Variants in NEDD4L observed in about 807,000 individuals in gnomAD.
NEDD4L encodes the protein E3 ubiquitin-protein ligase NEDD4-like.
NEDD4L carries 54 observed loss-of-function variants against 148.9 expected under a neutral mutation model. That is an observed-to-expected ratio of 0.36 (90% CI 0.29 to 0.45). The LOEUF (loss-of-function observed/expected upper bound fraction) is 0.45, where lower values mean the gene tolerates loss of function less well. Ranked by LOEUF, NEDD4L falls within the 20% of genes least tolerant of loss-of-function variation. The probability of loss-of-function intolerance (pLI) is 1.00; values close to 1 mark genes in which losing one functional copy is unlikely to be tolerated. For missense variants in NEDD4L, 856 were observed against 1,233.8 expected, an observed-to-expected ratio of 0.69 and a Z score of 4.59; for synonymous variants, 433 against 440.7, an observed-to-expected ratio of 0.98 and a Z score of 0.22.
chr18:58,340,032 C>CCTT (rs2042229973), intron 13 of NEDD4L, among the ~76,000 whole-genome samples: 1 of 152,204 alleles, frequency 6.6e-6, no homozygotes, highest in African/African-American at 2.4e-5. Context: ...TCCTCCTATA[C>CCTT]CTTTAGATTC....
chr18:58,080,519 T>C (rs938330814), intron 1 of NEDD4L, among the ~76,000 whole-genome samples: 4 of 152,212 alleles, frequency 2.6e-5, no homozygotes, highest in African/African-American at 9.6e-5. Context: ...GGAACCACCA[T>C]GTGGATCATT....
At chr18:58,196,412 G>C (rs1451049611) in intron 2 of NEDD4L, among the ~76,000 whole-genome samples, 2 of 152,186 alleles carry the variant, frequency 1.3e-5, no homozygotes, top group Non-Finnish European at 2.9e-5. Flanking sequence ...TATTCACCCA[G>C]ATTAAATGAT....
intron 2 of NEDD4L, among the ~76,000 whole-genome samples, chr18:58,238,434 C>T (rs2046273410): frequency 6.6e-6 from 1 of 152,000 alleles, no homozygotes; most frequent in African/African-American, 2.4e-5. Flanking sequence ...AAAAGTAGTA[C>T]TTGCTTACAG....
intron 16 of NEDD4L, among the ~76,000 whole-genome samples, chr18:58,346,898 TGCCCTG>T (rs1247041409): frequency 6.6e-6 from 1 of 152,070 alleles, no homozygotes; most frequent in African/African-American, 2.4e-5. Flanking sequence ...CCACTTCATG[TGCCCTG>T]GCAACTAAGG....
At chr18:58,372,569 A>G (rs913387783) in intron 23 of NEDD4L, 13 of 152,266 alleles carry the variant, frequency 8.5e-5, no homozygotes, top group African/African-American at 3.1e-4. Context: ...TGGCCTCCCA[A>G]AGTGCTGGAA....
rs1170356298 is a variant in NEDD4L at position 58,401,166 on chromosome 18, G to GT, written c.*4900dup. 1 of 152,266 alleles carries GT rather than the reference G, an allele frequency of 6.6e-6. No homozygotes were observed. 9.4% of individuals were successfully genotyped at this position (152,266 alleles called of 1,614,324 possible). On this transcript the variant is annotated 3_prime_UTR_variant, in exon 31 of 31. Coordinates refer to ENST00000400345, the MANE Select transcript of NEDD4L (RefSeq NM_001144967.3). ...AACAGTGACTTTTAAGGTGAAAAGA[G>GT]TTTCAAGCATTCCAAATAAATTATC...
chr18:58,383,291 A>T lies in NEDD4L; in HGVS notation c.2398A>T (p.Thr800Ser), dbSNP rs1271790462. ...GCCCAATGGGTCAGAAATAATGGTC[A>T]CAAATGAAAACAAAAGGGAATATAT... ...LKPNGSEIMV[T>S]NENKREYIDL... Residue 800 changes from threonine to serine, a missense_variant, in exon 25 of 31, where the codon ACA (threonine) becomes TCA (serine). Transcript: ENST00000400345. 6.5e-7 allele frequency: 1 copy of T among 1,539,246 alleles called. No individual in the cohort carries two copies. The highest frequency in any genetic ancestry group is 8.8e-7 in the Non-Finnish European group (1 of 1,134,726).
intron 5 of NEDD4L, among the ~76,000 whole-genome samples, chr18:58,257,058 T>C (rs959178306): frequency 6.6e-6 from 1 of 152,152 alleles, no homozygotes; most frequent in Non-Finnish European, 1.5e-5. Context: ...TTTTTCTGAA[T>C]AGAAGAATTT....
chr18:58,386,733 A>G lies in NEDD4L; in HGVS notation c.2488-706A>G, dbSNP rs1000991332. ...ACTGAGGCAGAGCTCTCGTGGGGTG[A>G]TGCTTTCCCTTCACTCAGGTACCTA... On this transcript the variant is annotated intron_variant, in intron 26 of 30. Transcript: ENST00000400345. 3.3e-5 allele frequency among the ~76,000 whole-genome samples: 5 copies of G among 152,318 alleles called. No individual in the cohort carries two copies. The Middle Eastern group carries it at 0.014, about 414-fold the overall frequency.
intron 24 of NEDD4L, among the ~76,000 whole-genome samples, chr18:58,373,780 C>G (rs779346256): frequency 2.6e-5 from 4 of 152,184 alleles, no homozygotes; most frequent in Admixed American, 2.0e-4. Flanking sequence ...CTGGACTAAT[C>G]CTCAAAGTCA....
chr18:58,207,840 G>C (rs1009745788), intron 2 of NEDD4L, among the ~76,000 whole-genome samples: 3 of 152,174 alleles, frequency 2.0e-5, no homozygotes, highest in African/African-American at 7.2e-5. Context: ...TTAAAGAGAA[G>C]GGAGGTATAT....
At chr18:58,213,997 A>G (rs1049230555) in intron 2 of NEDD4L, among the ~76,000 whole-genome samples, 1 of 152,154 alleles carries the variant, frequency 6.6e-6, no homozygotes, top group African/African-American at 2.4e-5. Flanking sequence ...GCCCGGTGGG[A>G]TGGGCCAGGA....
Position 58,200,683 on chromosome 18 carries a change from G to A in NEDD4L, c.122+34822G>A, listed in dbSNP as rs568556409. Reference sequence around the variant, plus strand: ...CCTGCCCCCACACTCCTGTTAGTGGGGCTACCAGAGGGGCCAGTATGAAAA... The same window carrying A: ...CCTGCCCCCACACTCCTGTTAGTGGAGCTACCAGAGGGGCCAGTATGAAAA... On this transcript the variant is annotated intron_variant, in intron 2 of 30. Transcript: ENST00000400345. 4.6e-5 allele frequency among the ~76,000 whole-genome samples: 7 copies of A among 152,306 alleles called. No individual in the cohort carries two copies. In the South Asian group the frequency reaches 1.5e-3, roughly 32 times the overall value.
At chr18:58,053,108 T>C (rs1274166801) in intron 1 of NEDD4L, among the ~76,000 whole-genome samples, 1 of 151,316 alleles carries the variant, frequency 6.6e-6, no homozygotes, top group Non-Finnish European at 1.5e-5. Flanking sequence ...ACCTGTCACT[T>C]TGTTTGTTTG....
intron 1 of NEDD4L, among the ~76,000 whole-genome samples, chr18:58,059,440 A>G (rs1328826267): frequency 1.3e-5 from 2 of 152,302 alleles, no homozygotes; most frequent in African/African-American, 2.4e-5. Flanking sequence ...TGAAACTGCC[A>G]CTGTCAATAC....
chr18:58,253,294 T>G (rs1171617468), intron 5 of NEDD4L, among the ~76,000 whole-genome samples: 1 of 152,168 alleles, frequency 6.6e-6, no homozygotes, highest in Non-Finnish European at 1.5e-5. Context: ...CCTGCTGGCC[T>G]CCTAAGTCCC....
At chr18:58,139,700 C>G (rs990187928) in intron 1 of NEDD4L, among the ~76,000 whole-genome samples, 3 of 152,122 alleles carry the variant, frequency 2.0e-5, no homozygotes, top group Non-Finnish European at 4.4e-5. Flanking sequence ...CCATAGAAAT[C>G]TGGCCGAGCA....
Position 58,329,013 on chromosome 18 carries a change from G to T in NEDD4L, c.699G>T (p.Ser233=). The T allele has an allele frequency of 6.2e-7, 1 of 1,613,970 alleles. No individual in the cohort carries two copies. The highest frequency in any genetic ancestry group is 8.5e-7 in the Non-Finnish European group (1 of 1,179,872). Residue 233 remains serine, a synonymous_variant, in exon 10 of 31, where the codon TCG becomes TCT. Transcript: ENST00000400345. ...RPSLMDVSSE[S]DNNIRQINQE... ...TGCTCAGGGACGTGTCCTCGGAGTC[G>T]GACAATAACATCAGACAGATCAACC...
chr18:58,210,272 G>T (rs1410836667), intron 2 of NEDD4L, among the ~76,000 whole-genome samples: 1 of 152,194 alleles, frequency 6.6e-6, no homozygotes, highest in African/African-American at 2.4e-5. Context: ...CAGCCCTGTG[G>T]CAACACATTT....
Sources: allele counts gnomAD v4.1 joint callset (sites outside exome capture counted in the v4.1 genomes callset), GRCh38; gene constraint gnomAD v4.1.1; transcripts MANE v1.5; gene names NCBI Gene and HGNC (gene_info 2026-07-23, HGNC 2026-07-21).